Variants in SSBP2 observed in about 807,000 individuals in gnomAD.
SSBP2 encodes the protein single-stranded DNA-binding protein 2.
A neutral mutation model predicts 61.8 loss-of-function variants in SSBP2; 17 were observed. That is an observed-to-expected ratio of 0.28 (90% CI 0.19 to 0.41). The LOEUF (loss-of-function observed/expected upper bound fraction) is 0.41, where lower values mean the gene tolerates loss of function less well. Ranked by LOEUF, SSBP2 falls within the 10% of genes least tolerant of loss-of-function variation. The pLI is 1.00. For missense variants in SSBP2, 310 were observed against 458.7 expected, an observed-to-expected ratio of 0.68 and a Z score of 2.96; for synonymous variants, 139 against 141.3, an observed-to-expected ratio of 0.98 and a Z score of 0.12.
chr5:81,592,258 A>T (rs888974946), intron 4 of SSBP2, among the ~76,000 whole-genome samples: 1 of 152,218 alleles, frequency 6.6e-6, no homozygotes, highest in Non-Finnish European at 1.5e-5. Context: ...GTCCAAGATC[A>T]AACTGCAAGG....
intron 2 of SSBP2, among the ~76,000 whole-genome samples, chr5:81,637,995 T>C (rs1748397938): frequency 6.6e-6 from 1 of 150,952 alleles, no homozygotes; most frequent in Non-Finnish European, 1.5e-5. Context: ...CAGCAAACTT[T>C]CGCAAGAACA....
At chr5:81,626,147 C>G (rs1747117871) in intron 3 of SSBP2, among the ~76,000 whole-genome samples, 1 of 152,172 alleles carries the variant, frequency 6.6e-6, no homozygotes, top group Non-Finnish European at 1.5e-5. Flanking sequence ...ATATGTATAA[C>G]TTGTATTAAT....
At chr5:81,588,136 TA>T (rs1424198817) in intron 4 of SSBP2, among the ~76,000 whole-genome samples, 1 of 151,494 alleles carries the variant, frequency 6.6e-6, no homozygotes, top group Non-Finnish European at 1.5e-5. Flanking sequence ...TAGCTAATTT[TA>T]AAAAAAATTG....
intron 1 of SSBP2, among the ~76,000 whole-genome samples, chr5:81,734,021 A>T (rs992568012): frequency 3.9e-5 from 6 of 152,238 alleles, no homozygotes; most frequent in Admixed American, 6.5e-5. Context: ...AAGTTGTACC[A>T]CAAATAACTA....
At chr5:81,446,366 A>G (rs553280613) in intron 12 of SSBP2, among the ~76,000 whole-genome samples, 1 of 152,280 alleles carries the variant, frequency 6.6e-6, no homozygotes, top group African/African-American at 2.4e-5. Flanking sequence ...AAGATAAAAA[A>G]CTTTTATTAT....
At chr5:81,492,276 GCAGACCA>G (rs1253966864) in intron 5 of SSBP2, among the ~76,000 whole-genome samples, 30 of 152,150 alleles carry the variant, frequency 2.0e-4, no homozygotes, top group Non-Finnish European at 2.9e-5. Flanking sequence ...GCCGAGGTGG[GCAGACCA>G]CTTGAGGCCA....
intron 5 of SSBP2, among the ~76,000 whole-genome samples, chr5:81,507,911 T>C (rs987498237): frequency 1.1e-4 from 17 of 152,132 alleles, no homozygotes; most frequent in Admixed American, 6.5e-5. Context: ...ATTTTATTAG[T>C]AGTAAATTAT....
chr5:81,587,121 T>C (rs984861548), intron 4 of SSBP2, among the ~76,000 whole-genome samples: 2 of 152,172 alleles, frequency 1.3e-5, no homozygotes, highest in African/African-American at 4.8e-5. Context: ...TTCACTATAA[T>C]AAATCACAGT....
intron 3 of SSBP2, among the ~76,000 whole-genome samples, chr5:81,627,485 C>A (rs954476688): frequency 3.3e-5 from 5 of 152,068 alleles, no homozygotes; most frequent in Admixed American, 6.5e-5. Context: ...AAATATTATA[C>A]CATTCTAGTG....
chr5:81,602,164 T>C (rs1744428769), intron 4 of SSBP2, among the ~76,000 whole-genome samples: 1 of 152,140 alleles, frequency 6.6e-6, no homozygotes, highest in African/African-American at 2.4e-5. Flanking sequence ...AGCCCATGTT[T>C]GCCACTGAGT....
At chr5:81,737,054 T>A (rs1324685862) in intron 1 of SSBP2, among the ~76,000 whole-genome samples, 1 of 152,122 alleles carries the variant, frequency 6.6e-6, no homozygotes, top group African/African-American at 2.4e-5. Flanking sequence ...CATCCCAAAA[T>A]CACTTTTTAA....
intron 4 of SSBP2, among the ~76,000 whole-genome samples, chr5:81,526,363 T>C (rs1251740261): frequency 2.0e-5 from 3 of 152,056 alleles, no homozygotes; most frequent in East Asian, 1.9e-4. Flanking sequence ...CACTATCTCA[T>C]AGTTTTTACT....
At chr5:81,422,913 T>C (rs1436363088) in intron 16 of SSBP2, among the ~76,000 whole-genome samples, 2 of 152,246 alleles carry the variant, frequency 1.3e-5, no homozygotes, top group South Asian at 2.1e-4. Context: ...GTTTACTCAA[T>C]TGATTCCATG....
At chr5:81,667,464 T>C (rs969466034) in intron 1 of SSBP2, among the ~76,000 whole-genome samples, 1 of 152,002 alleles carries the variant, frequency 6.6e-6, no homozygotes, top group African/African-American at 2.4e-5. Flanking sequence ...TAGAGACCAG[T>C]GGGTTCATAC....
Position 81,413,265 on chromosome 5 carries a change from GAATA to G in SSBP2, c.*7235_*7238del, listed in dbSNP as rs573395485. ...AACACTAAATTATAAATCCATTTGAGAATAAATGCAGTAATGTGCACATGCACGC... is the reference window on the plus strand; with the variant it reads ...AACACTAAATTATAAATCCATTTGAGAATGCAGTAATGTGCACATGCACGC... On this transcript the variant is annotated 3_prime_UTR_variant, in exon 17 of 17. Coordinates refer to ENST00000320672, the MANE Select transcript of SSBP2 (RefSeq NM_012446.5). 6.6e-4 allele frequency: 100 copies of G among 152,320 alleles called. 1 individual carries two copies. The highest frequency in any genetic ancestry group is 2.0e-3 in the African/African-American group (85 of 41,572). 9.4% of individuals were successfully genotyped at this position (152,320 alleles called of 1,614,324 possible).
intron 1 of SSBP2, among the ~76,000 whole-genome samples, chr5:81,742,050 T>C (rs1301581807): frequency 6.6e-6 from 1 of 152,222 alleles, no homozygotes; most frequent in Non-Finnish European, 1.5e-5. Flanking sequence ...TTATCTGTAT[T>C]ACCCTAGCTG....
chr5:81,516,778 G>C (rs573303052), intron 4 of SSBP2, among the ~76,000 whole-genome samples: 2 of 151,702 alleles, frequency 1.3e-5, no homozygotes, highest in South Asian at 4.2e-4. Flanking sequence ...TGCAAGCTTT[G>C]AAACTGTAAG....
chr5:81,584,822 C>T (rs1230500227), intron 4 of SSBP2, among the ~76,000 whole-genome samples: 1 of 151,952 alleles, frequency 6.6e-6, no homozygotes, highest in Non-Finnish European at 1.5e-5. Flanking sequence ...AAGTATATGC[C>T]TAATCTAATT....
chr5:81,663,017 T>C (rs1024559505), intron 1 of SSBP2, among the ~76,000 whole-genome samples: 1 of 152,210 alleles, frequency 6.6e-6, no homozygotes, highest in Admixed American at 6.5e-5. Flanking sequence ...TGTAAACGAA[T>C]GAATGTACAG....
Sources: allele counts gnomAD v4.1 joint callset (sites outside exome capture counted in the v4.1 genomes callset), GRCh38; gene constraint gnomAD v4.1.1; transcripts MANE v1.5; gene names NCBI Gene and HGNC (gene_info 2026-07-23, HGNC 2026-07-21).